Variants in SEM1 observed in about 807,000 individuals in gnomAD.
The protein encoded by SEM1 is SEM1 26S proteasome subunit.
A neutral mutation model predicts 12.7 loss-of-function variants in SEM1; 3 were observed. The observed-to-expected ratio is 0.24, with a 90% CI of 0.11 to 0.61. The LOEUF is 0.61. Among genes scored for constraint, SEM1 ranks in the 20% least tolerant of loss-of-function variants. SEM1 has a pLI of 0.88. For missense variants in SEM1, 59 were observed against 81.3 expected, an observed-to-expected ratio of 0.73 and a Z score of 1.06; for synonymous variants, 30 against 27.8, an observed-to-expected ratio of 1.08 and a Z score of -0.25.
intron 2 of SEM1, among the ~76,000 whole-genome samples, chr7:96,601,839 G>A (rs970548855): frequency 9.9e-5 from 15 of 152,180 alleles, no homozygotes; most frequent in Admixed American, 2.6e-4. Context: ...AATGAAAAAT[G>A]ATGCTGGATA....
chr7:96,567,572 T>G (rs1409698328), intron 2 of SEM1, among the ~76,000 whole-genome samples: 1 of 151,528 alleles, frequency 6.6e-6, no homozygotes, highest in African/African-American at 2.4e-5. Flanking sequence ...TGGACATCAT[T>G]GTCTTTCTCC....
chr7:96,554,817 A>G (rs369999720), intron 2 of SEM1, among the ~76,000 whole-genome samples: 9 of 151,612 alleles, frequency 5.9e-5, no homozygotes, highest in East Asian at 1.9e-4. Context: ...CTGTGAATCT[A>G]TCTGGTCCTA....
At chr7:96,630,979 A>G (rs972045047) in intron 2 of SEM1, among the ~76,000 whole-genome samples, 2 of 152,212 alleles carry the variant, frequency 1.3e-5, no homozygotes, top group Non-Finnish European at 2.9e-5. Flanking sequence ...CTGATGTCCT[A>G]TCCTGCTGTG....
intron 2 of SEM1, among the ~76,000 whole-genome samples, chr7:96,576,963 C>G (rs141417493): frequency 8.6e-5 from 13 of 151,976 alleles, no homozygotes; most frequent in African/African-American, 2.9e-4. Flanking sequence ...ACTAAAAATA[C>G]AAAATTAGCC....
intron 1 of SEM1, among the ~76,000 whole-genome samples, chr7:96,494,459 G>A (rs1803159695): frequency 6.6e-6 from 1 of 151,950 alleles, no homozygotes; most frequent in Non-Finnish European, 1.5e-5. Flanking sequence ...CCTTGAGAAG[G>A]GCTTAGGAGG....
downstream of SEM1, among the ~76,000 whole-genome samples, chr7:96,669,608 T>C (rs1295572778): frequency 6.6e-6 from 1 of 152,196 alleles, no homozygotes; most frequent in Non-Finnish European, 1.5e-5. Flanking sequence ...TTGGCCCACT[T>C]GGTCAAAAGC....
chr7:96,567,361 C>T (rs556933263), intron 2 of SEM1, among the ~76,000 whole-genome samples: 1 of 151,566 alleles, frequency 6.6e-6, no homozygotes, highest in South Asian at 2.1e-4. Flanking sequence ...TTTAATGTAA[C>T]TTTCACTTAT....
At chr7:96,655,048 G>A (rs899468909) in intron 2 of SEM1, among the ~76,000 whole-genome samples, 7 of 152,194 alleles carry the variant, frequency 4.6e-5, no homozygotes, top group Admixed American at 2.6e-4. Flanking sequence ...AGCCTAGTCT[G>A]TTTCCATGAA....
chr7:96,677,014 G>C (rs1789466306), intron 2 of SEM1, among the ~76,000 whole-genome samples: 1 of 152,138 alleles, frequency 6.6e-6, no homozygotes, highest in African/African-American at 2.4e-5. Context: ...ATCCTGCTAA[G>C]ATAAAGCAAA....
At chr7:96,684,467 T>TG (rs1187690946), downstream of SEM1, among the ~76,000 whole-genome samples, 1 of 146,288 alleles carries the variant, frequency 6.8e-6, no homozygotes, top group Admixed American at 6.8e-5. Context: ...TCTAACCGTT[T>TG]GGGGGGCGGG....
chr7:96,556,900 T>A (rs1466941411), intron 2 of SEM1, among the ~76,000 whole-genome samples: 1 of 141,542 alleles, frequency 7.1e-6, no homozygotes, highest in Non-Finnish European at 1.5e-5. Context: ...CTTTTTATTC[T>A]TTTTTCTCTA....
chr7:96,553,334 C>T (rs1805359325), intron 2 of SEM1, among the ~76,000 whole-genome samples: 2 of 151,550 alleles, frequency 1.3e-5, no homozygotes, highest in South Asian at 2.1e-4. Flanking sequence ...TTAGGTCTAA[C>T]ATTTAAGTCT....
intron 2 of SEM1, among the ~76,000 whole-genome samples, chr7:96,693,948 ATATAG>A (rs1790011686): frequency 1.3e-5 from 2 of 152,002 alleles, no homozygotes; most frequent in South Asian, 4.1e-4. Context: ...TGGCATATCC[ATATAG>A]TATTATTATA....
At chr7:96,523,291 A>G (rs1297194777) in intron 2 of SEM1, among the ~76,000 whole-genome samples, 1 of 152,138 alleles carries the variant, frequency 6.6e-6, no homozygotes, top group East Asian at 1.9e-4. Flanking sequence ...CCAACTTTCA[A>G]AGGACTTCCA....
chr7:96,636,538 C>T lies in SEM1; in HGVS notation c.171-13895G>A, dbSNP rs552800479. Among the ~76,000 whole-genome samples, 5 of 152,048 alleles carry T rather than the reference C, an allele frequency of 3.3e-5. No individual in the cohort carries two copies. The South Asian group carries it at 8.3e-4, about 25-fold the overall frequency. On this transcript the variant is annotated intron_variant, in intron 2 of 2. Transcript: ENST00000417009. Reference sequence around the variant, plus strand: ...CTTCCTTTTCCCTCAGGAATGCCTACTCATCAATTAAATAAAGAATAGCTA... The same window carrying T: ...CTTCCTTTTCCCTCAGGAATGCCTATTCATCAATTAAATAAAGAATAGCTA...
At chr7:96,506,392 C>T (rs1176963881) in intron 3 of SEM1, among the ~76,000 whole-genome samples, 1 of 152,094 alleles carries the variant, frequency 6.6e-6, no homozygotes, top group Non-Finnish European at 1.5e-5. Flanking sequence ...TGATAAGACA[C>T]ACCTATCTTT....
chr7:96,543,176 C>A (rs1201142033), intron 2 of SEM1, among the ~76,000 whole-genome samples: 11 of 151,784 alleles, frequency 7.2e-5, no homozygotes, highest in Admixed American at 7.2e-4. Context: ...TTTGCAAAAA[C>A]AAATTGTGGA....
intron 2 of SEM1, among the ~76,000 whole-genome samples, chr7:96,519,979 A>C (rs2115621672): frequency 6.6e-6 from 1 of 152,184 alleles, no homozygotes; most frequent in East Asian, 1.9e-4. Context: ...CTCTTATCTC[A>C]TGGGAAGTGA....
intron 2 of SEM1, among the ~76,000 whole-genome samples, chr7:96,531,606 GAAA>G (rs5885966): frequency 5.4e-5 from 7 of 129,760 alleles, no homozygotes; most frequent in Admixed American, 7.7e-5. Context: ...ACTCTGTGTG[GAAA>G]AAAAAAAAAA....
Sources: gnomAD v4.1 joint callset for allele counts (sites outside exome capture counted in the v4.1 genomes callset) on GRCh38, gnomAD v4.1.1 for gene constraint, MANE v1.5 for transcripts, NCBI Gene and HGNC (gene_info 2026-07-23, HGNC 2026-07-21) for gene names.